The following PTPRT variants were observed in gnomAD, a reference collection of about 807,000 sequenced individuals.
PTPRT encodes the protein protein tyrosine phosphatase receptor type T.
In PTPRT, 56 loss-of-function variants were observed where a neutral mutation model predicts 176.8. The observed-to-expected ratio is 0.32, with a 90% CI of 0.26 to 0.40. The LOEUF (loss-of-function observed/expected upper bound fraction) is 0.40, where lower values mean the gene tolerates loss of function less well. PTPRT is among the 10% of genes least tolerant of loss of function. The probability of loss-of-function intolerance (pLI) is 1.00; values close to 1 mark genes in which losing one functional copy is unlikely to be tolerated. For synonymous variants in PTPRT, 783 were observed against 739.0 expected (o/e 1.06, Z -0.96); for missense variants, 1,540 against 1,908.2 (o/e 0.81, Z 3.60).
intron 1 of PTPRT, among the ~76,000 whole-genome samples, chr20:42,967,467 A>C (rs1982365558): frequency 6.6e-6 from 1 of 152,114 alleles, no homozygotes; most frequent in Non-Finnish European, 1.5e-5. Flanking sequence ...TGCGGCCACA[A>C]AGAACGCTGA....
intron 28 of PTPRT, 114 bp downstream of exon 28, chr20:42,085,614 T>C: frequency 6.9e-7 from 1 of 1,454,708 alleles, no homozygotes; most frequent in Non-Finnish European, 9.4e-7. Context: ...AAGGAAGAAA[T>C]TATCAGGAGA....
At chr20:43,009,523 GA>G (rs1162222546) in intron 1 of PTPRT, among the ~76,000 whole-genome samples, 1 of 152,200 alleles carries the variant, frequency 6.6e-6, no homozygotes, top group Non-Finnish European at 1.5e-5. Flanking sequence ...GCAGAAGTGA[GA>G]GGGGCACTAT....
intron 1 of PTPRT, among the ~76,000 whole-genome samples, chr20:42,976,212 C>T (rs1568712437): frequency 6.6e-6 from 1 of 152,108 alleles, no homozygotes; most frequent in Non-Finnish European, 1.5e-5. Flanking sequence ...ATTGAGAAAA[C>T]TGTATCAGAT....
chr20:42,925,980 C>T lies in PTPRT; in HGVS notation c.89-40048G>A, dbSNP rs140428999. 2.7e-3 allele frequency among the ~76,000 whole-genome samples: 411 copies of T among 152,330 alleles called. 1 individual carries two copies. Among genetic ancestry groups the T allele is most frequent in the African/African-American group, 9.4e-3 (389 of 41,580 alleles). On this transcript the variant is annotated intron_variant, in intron 1 of 30. Transcript: ENST00000373187. ...CTTTATCAATCACTTCACTCCAGGA[C>T]TCTTCTGGAAGCCCCCTCTAAGAGG... is the stretch of plus-strand genomic sequence containing the variant.
At chr20:42,903,648 C>CTCCG (rs1406543266) in intron 1 of PTPRT, among the ~76,000 whole-genome samples, 1 of 152,182 alleles carries the variant, frequency 6.6e-6, no homozygotes, top group Non-Finnish European at 1.5e-5. Context: ...GCCAGTTGGA[C>CTCCG]TCCGTGTACC....
intron 27 of PTPRT, among the ~76,000 whole-genome samples, chr20:42,089,660 T>C (rs1984401210): frequency 6.6e-6 from 1 of 152,136 alleles, no homozygotes; most frequent in Non-Finnish European, 1.5e-5. Flanking sequence ...GAGTCATCCT[T>C]TCACTTGGAT....
At chr20:42,617,276 C>T (rs1317132948) in intron 7 of PTPRT, among the ~76,000 whole-genome samples, 2 of 136,250 alleles carry the variant, frequency 1.5e-5, no homozygotes, top group Non-Finnish European at 3.1e-5. Flanking sequence ...GCCTTGCATC[C>T]CAGGGATGAA....
chr20:42,138,038 AC>A (rs1988453544), intron 18 of PTPRT, among the ~76,000 whole-genome samples: 1 of 152,268 alleles, frequency 6.6e-6, no homozygotes, highest in Non-Finnish European at 1.5e-5. Flanking sequence ...TCAAAGTTGC[AC>A]ATGCGTCACC....
At chr20:42,776,218 C>T (rs561630471) in intron 4 of PTPRT, among the ~76,000 whole-genome samples, 33 of 152,288 alleles carry the variant, frequency 2.2e-4, no homozygotes, top group African/African-American at 7.7e-4. Context: ...CACCTCTATG[C>T]TCTAAGTTTC....
intron 1 of PTPRT, among the ~76,000 whole-genome samples, chr20:43,019,970 C>T (rs1423553713): frequency 1.3e-5 from 2 of 151,984 alleles, no homozygotes; most frequent in Admixed American, 6.6e-5. Flanking sequence ...GGTTCTGAGG[C>T]CTTCAGACGT....
At chr20:42,822,096 C>G (rs2077904598) in intron 2 of PTPRT, among the ~76,000 whole-genome samples, 1 of 151,840 alleles carries the variant, frequency 6.6e-6, no homozygotes. Context: ...GACCCCAAGA[C>G]AATCCTAAGC....
chr20:42,748,349 G>A (rs958340871), intron 6 of PTPRT, among the ~76,000 whole-genome samples: 3 of 152,124 alleles, frequency 2.0e-5, no homozygotes, highest in African/African-American at 4.8e-5. Flanking sequence ...GGGTGATATA[G>A]CCCTCCAGCT....
At chr20:43,107,263 G>A (rs1600718253) in intron 1 of PTPRT, among the ~76,000 whole-genome samples, 1 of 152,324 alleles carries the variant, frequency 6.6e-6, no homozygotes, top group East Asian at 1.9e-4. Context: ...GCTGGGGTGT[G>A]TGGCAGACAG....
At chr20:42,248,860 AC>A in intron 13 of PTPRT, 38 bp from the exon 14 acceptor site, 1 of 1,606,964 alleles carries the variant, frequency 6.2e-7, no homozygotes, top group Non-Finnish European at 8.5e-7. Flanking sequence ...TGTTGAAAGC[AC>A]CCAAACATGC....
intron 1 of PTPRT, among the ~76,000 whole-genome samples, chr20:43,186,688 G>A (rs1441740045): frequency 6.6e-6 from 1 of 152,202 alleles, no homozygotes; most frequent in African/African-American, 2.4e-5. Context: ...ATGTGTTTGC[G>A]ATTGTTGCTG....
intron 1 of PTPRT, among the ~76,000 whole-genome samples, chr20:43,047,691 T>C (rs969330004): frequency 6.6e-6 from 1 of 152,072 alleles, no homozygotes; most frequent in Non-Finnish European, 1.5e-5. Context: ...ATACTAATGA[T>C]GATGATGATG....
intron 2 of PTPRT, among the ~76,000 whole-genome samples, chr20:42,851,861 G>A (rs763831562): frequency 3.3e-5 from 5 of 152,162 alleles, no homozygotes; most frequent in Admixed American, 6.6e-5. Context: ...CTTATGTACG[G>A]ACTGAGATAA....
chr20:42,387,765 AAGTT>A (rs2058758304), intron 9 of PTPRT, among the ~76,000 whole-genome samples: 1 of 151,754 alleles, frequency 6.6e-6, no homozygotes, highest in African/African-American at 2.4e-5. Flanking sequence ...GGACCTCTAA[AAGTT>A]AGAGTTCAGG....
chr20:43,181,063 T>C (rs75912693), intron 1 of PTPRT, among the ~76,000 whole-genome samples: 6,487 of 152,296 alleles, frequency 0.043, 194 homozygotes, highest in Non-Finnish European at 0.066. Context: ...GTGAGCTGTC[T>C]GATGAAGTGG....
Sources: allele counts gnomAD v4.1 joint callset (sites outside exome capture counted in the v4.1 genomes callset), GRCh38; gene constraint gnomAD v4.1.1; transcripts MANE v1.5; gene names NCBI Gene and HGNC (gene_info 2026-07-23, HGNC 2026-07-21).